The following PRRG1 variants were observed in gnomAD, a reference collection of about 807,000 sequenced individuals.
PRRG1 encodes transmembrane gamma-carboxyglutamic acid protein 1.
Under a neutral mutation model 11.8 loss-of-function variants are expected in PRRG1, and 5 were observed. The observed-to-expected ratio is 0.42, with a 90% confidence interval of 0.22 to 0.89. The LOEUF is 0.89. Ranked by LOEUF, PRRG1 falls within the 40% of genes least tolerant of loss-of-function variation. PRRG1 has a pLI of 0.28. For synonymous variants in PRRG1, 66 were observed against 60.4 expected, an observed-to-expected ratio of 1.09 and a Z score of -0.43; for missense variants, 155 against 166.1, an observed-to-expected ratio of 0.93 and a Z score of 0.37.
In PRRG1 at chrX:37,453,522, A is replaced by G. The variant is rs1556397335; in HGVS notation, c.558A>G (p.Thr186=). The G allele has an allele frequency of 2.5e-6, 3 of 1,211,299 alleles. No homozygotes were observed. The highest frequency in any genetic ancestry group is 3.4e-6 in the Non-Finnish European group (3 of 895,215). The change falls in exon 4 of 4, where the codon ACA becomes ACG. Residue 186 remains threonine, a synonymous_variant. Coordinates refer to ENST00000378628, the MANE Select transcript of PRRG1 (RefSeq NM_001142395.2). Reference sequence around the variant, plus strand: ...AAGTGAACCTGCAGAGGAGTGAAACAGAACCTCATTTAGACCCACCCCCAG... The same window carrying G: ...AAGTGAACCTGCAGAGGAGTGAAACGGAACCTCATTTAGACCCACCCCCAG... ...TGQVNLQRSE[T]EPHLDPPPEY...
chrX:37,360,385 C>T (rs927152655), intron 1 of PRRG1, among the ~76,000 whole-genome samples: 10 of 111,934 alleles, frequency 8.9e-5, no homozygotes, highest in African/African-American at 2.9e-4. Flanking sequence ...TTTAATTTCT[C>T]TTGGGATTTT....
intron 1 of PRRG1, among the ~76,000 whole-genome samples, chrX:37,365,399 G>A (rs1556369036): frequency 9.0e-6 from 1 of 111,599 alleles, no homozygotes; most frequent in African/African-American, 3.3e-5. Flanking sequence ...GCAGATGTGA[G>A]TTTGCCCACA....
At chrX:37,350,045 G>A (rs1930007028) in intron 1 of PRRG1, among the ~76,000 whole-genome samples, 1 of 103,378 alleles carries the variant, frequency 9.7e-6, no homozygotes, top group Non-Finnish European at 2.0e-5. Context: ...CCTGGGGGAT[G>A]GGAGAGCGGG....
rs145126576 is a variant in PRRG1, at chrX:37,447,347, G to A, written c.172-5789G>A. Among the ~76,000 whole-genome samples the A allele has an allele frequency of 6.1e-3, 679 of 111,988 alleles. 2 individuals carry two copies. Among genetic ancestry groups the A allele is most frequent in the African/African-American group, 0.021 (639 of 30,776 alleles). On this transcript the variant is annotated intron_variant, in intron 3 of 3. Coordinates refer to ENST00000378628, the MANE Select transcript of PRRG1 (RefSeq NM_001142395.2). ...AAACCCTAGTTCACACAAACTAGAT[G>A]TGAATGGTAGTAATAGCAGGACACT...
At chrX:37,406,093 G>A (rs782288293) in intron 1 of PRRG1, 116 bp from the exon 2 acceptor site, 9 of 568,605 alleles carry the variant, frequency 1.6e-5, no homozygotes, top group Admixed American at 7.2e-5. Flanking sequence ...GAGAAAGATT[G>A]GAATGTACTG....
intron 1 of PRRG1, among the ~76,000 whole-genome samples, chrX:37,357,757 G>A (rs1930285757): frequency 8.9e-6 from 1 of 111,854 alleles, no homozygotes; most frequent in Non-Finnish European, 1.9e-5. Context: ...GGCACCCTTT[G>A]GGGTCTTGGA....
At chrX:37,429,511 G>T (rs1269644624) in intron 3 of PRRG1, among the ~76,000 whole-genome samples, 2 of 111,627 alleles carry the variant, frequency 1.8e-5, no homozygotes, top group African/African-American at 6.5e-5. Flanking sequence ...CTTTGCTCCA[G>T]TTCCCAACAA....
rs1397326079 is a variant in PRRG1 at position 37,390,751 on chromosome X, C to T, written c.-41-15458C>T. ...GGGAAGTTACAAGGATGGCTATCTA[C>T]AAGGAAACATTGAATGGGAACTGGC... On this transcript the variant is annotated intron_variant, in intron 1 of 3. Coordinates refer to ENST00000378628, the MANE Select transcript of PRRG1 (RefSeq NM_001142395.2). Among the ~76,000 whole-genome samples, 18 of 111,959 alleles carry T rather than the reference C, an allele frequency of 1.6e-4. No homozygotes were observed. In the Admixed American group the frequency reaches 1.7e-3, roughly 11 times the overall value.
At chrX:37,419,485 A>G (rs1556386280) in intron 2 of PRRG1, among the ~76,000 whole-genome samples, 2 of 112,360 alleles carry the variant, frequency 1.8e-5, no homozygotes. Flanking sequence ...TTTATGAATC[A>G]TAAAAGTATA....
chrX:37,383,141 G>A (rs1205134201), intron 1 of PRRG1, among the ~76,000 whole-genome samples: 1 of 111,784 alleles, frequency 8.9e-6, no homozygotes, highest in Non-Finnish European at 1.9e-5. Context: ...AAAGATACTA[G>A]TTTGCAAAGG....
intron 1 of PRRG1, among the ~76,000 whole-genome samples, chrX:37,376,552 T>C (rs1427302447): frequency 4.8e-5 from 2 of 41,273 alleles, no homozygotes; most frequent in African/African-American, 1.1e-4. Flanking sequence ...AATGTGAGTG[T>C]ATATATATAT....
At chrX:37,373,134 C>G (rs1930823976) in intron 1 of PRRG1, among the ~76,000 whole-genome samples, 1 of 112,075 alleles carries the variant, frequency 8.9e-6, no homozygotes, top group Admixed American at 9.4e-5. Context: ...TCTAGGCTCT[C>G]TATCCTGTTG....
At position 37,453,330 on chromosome X, in the gene PRRG1, C is replaced by T. The variant is rs782703842; in HGVS notation, c.366C>T (p.Phe122=). Residue 122 remains phenylalanine, a synonymous_variant, in exon 4 of 4, where the codon TTC becomes TTT. Coordinates refer to ENST00000378628, the MANE Select transcript of PRRG1 (RefSeq NM_001142395.2). The stretch of plus-strand genomic sequence containing the variant: ...CAGTGACTGAAGGCCACATTCCTTT[C>T]CCTCAGCACCTTAATATTATCACCC... ...RQTVTEGHIP[F]PQHLNIITPP... is the part of the protein sequence containing the mutation. The T allele has an allele frequency of 2.5e-6, 3 of 1,209,393 alleles. No individual in the cohort carries two copies. The East Asian group carries it at 8.9e-5, about 36-fold the overall frequency.
At chrX:37,442,167 AT>A in intron 3 of PRRG1, 1 of 754,651 alleles carries the variant, frequency 1.3e-6, no homozygotes, top group Non-Finnish European at 1.6e-6. Context: ...GTTCTCTTCA[AT>A]TTTTTTCCTT....
chrX:37,430,825 C>A (rs1291479392), intron 3 of PRRG1, among the ~76,000 whole-genome samples: 7 of 111,250 alleles, frequency 6.3e-5, no homozygotes, highest in Non-Finnish European at 1.1e-4. Context: ...ATTTGTGTAA[C>A]CATCACTGCA....
intron 1 of PRRG1, among the ~76,000 whole-genome samples, chrX:37,379,834 GC>G (rs1428327361): frequency 4.5e-5 from 5 of 111,781 alleles, no homozygotes; most frequent in Non-Finnish European, 9.4e-5. Flanking sequence ...TATTCTCTGT[GC>G]CAACTAAGTG....
intron 3 of PRRG1, among the ~76,000 whole-genome samples, chrX:37,426,869 A>G (rs1258472147): frequency 8.9e-6 from 1 of 112,074 alleles, no homozygotes; most frequent in Non-Finnish European, 1.9e-5. Flanking sequence ...TACTTTTTAA[A>G]AATAGTATAT....
intron 2 of PRRG1, among the ~76,000 whole-genome samples, chrX:37,420,587 C>G (rs1385761564): frequency 2.0e-5 from 2 of 99,586 alleles, no homozygotes; most frequent in Admixed American, 2.3e-4. Context: ...AATCCCAGCA[C>G]TTTGGGAGGC....
At chrX:37,398,016 A>ACG (rs1491289128) in intron 1 of PRRG1, among the ~76,000 whole-genome samples, 3 of 76,577 alleles carry the variant, frequency 3.9e-5, no homozygotes, top group Admixed American at 1.3e-4. Context: ...ACACACACAC[A>ACG]TACACGCTGA....
Sources: allele counts gnomAD v4.1 joint callset (sites outside exome capture counted in the v4.1 genomes callset), GRCh38; gene constraint gnomAD v4.1.1; transcripts MANE v1.5; gene names NCBI Gene and HGNC (gene_info 2026-07-23, HGNC 2026-07-21).